FBXW7: variants seen among roughly 807,000 people sequenced by gnomAD.
FBXW7 encodes F-box and WD repeat domain containing 7.
In FBXW7, 11 loss-of-function variants were observed where a neutral mutation model predicts 86.3. The observed-to-expected ratio is 0.13, with a 90% confidence interval of 0.08 to 0.21. The LOEUF (loss-of-function observed/expected upper bound fraction) is 0.21, where lower values mean the gene tolerates loss of function less well. FBXW7 is among the 10% of genes least tolerant of loss of function. The probability of loss-of-function intolerance (pLI) is 1.00; values close to 1 mark genes in which losing one functional copy is unlikely to be tolerated. For synonymous variants in FBXW7, 313 were observed against 297.9 expected, an observed-to-expected ratio of 1.05 and a Z score of -0.52; for missense variants, 488 against 847.4, an observed-to-expected ratio of 0.58 and a Z score of 5.27.
intron 2 of FBXW7, among the ~76,000 whole-genome samples, chr4:152,516,550 C>T (rs946292979): frequency 2.0e-5 from 3 of 152,166 alleles, no homozygotes; most frequent in African/African-American, 7.2e-5. Flanking sequence ...AAAACTAATA[C>T]CATACAGATG....
At chr4:152,345,385 C>A (rs930702222) in intron 6 of FBXW7, among the ~76,000 whole-genome samples, 2 of 152,024 alleles carry the variant, frequency 1.3e-5, no homozygotes, top group African/African-American at 2.4e-5. Context: ...AAAAAAAATT[C>A]TTTGTAATTA....
At position 152,536,013 on chromosome 4, in the gene FBXW7, GGCA is replaced by G; in HGVS notation, c.-1102_-1100del. The G allele has an allele frequency of 1.4e-5, 3 of 221,022 alleles. No individual in the cohort carries two copies. Among genetic ancestry groups the G allele is most frequent in the Non-Finnish European group, 8.8e-6 (1 of 113,226 alleles). The allele number at this position is 221,022 out of a possible 1,614,324, so 13.7% of individuals were successfully genotyped here. A position where few individuals can be genotyped will look rare whatever the true frequency, so the allele number is the denominator to read the frequency against. On this transcript the variant is annotated 5_prime_UTR_variant, in exon 1 of 14. Coordinates refer to ENST00000281708, the MANE Select transcript of FBXW7 (RefSeq NM_001349798.2). ...TCTCAGTCTCAGCGGCGGCGGCGGC[GGCA>G]GCGGCAGCGGCAGCGCCCGGAGCTC... is the stretch of plus-strand genomic sequence containing the variant.
At chr4:152,353,161 G>A (rs1235780351) in intron 4 of FBXW7, among the ~76,000 whole-genome samples, 1 of 152,036 alleles carries the variant, frequency 6.6e-6, no homozygotes, top group East Asian at 1.9e-4. Flanking sequence ...TTTTCATACG[G>A]TCCCCCTGAA....
At chr4:152,474,210 C>T (rs1744198937) in intron 2 of FBXW7, among the ~76,000 whole-genome samples, 1 of 152,178 alleles carries the variant, frequency 6.6e-6, no homozygotes, top group Admixed American at 6.5e-5. Flanking sequence ...ACAAGCAAAA[C>T]AATCTTCCCT....
intron 2 of FBXW7, among the ~76,000 whole-genome samples, chr4:152,475,856 G>C (rs1458364847): frequency 6.6e-6 from 1 of 152,034 alleles, no homozygotes; most frequent in African/African-American, 2.4e-5. Flanking sequence ...CTAAAAAATG[G>C]AAAAATAACT....
At chr4:152,430,943 C>A (rs569982798) in intron 2 of FBXW7, among the ~76,000 whole-genome samples, 1 of 152,208 alleles carries the variant, frequency 6.6e-6, no homozygotes, top group Admixed American at 6.5e-5. Context: ...TTCTCTTTTC[C>A]AATTCAAATA....
intron 2 of FBXW7, among the ~76,000 whole-genome samples, chr4:152,500,363 T>C (rs955116705): frequency 6.6e-6 from 1 of 152,092 alleles, no homozygotes; most frequent in Non-Finnish European, 1.5e-5. Context: ...ACGAGAACAA[T>C]GAATTCAGAA....
At chr4:152,450,938 CCTTGGAT>C (rs1364405436) in intron 2 of FBXW7, among the ~76,000 whole-genome samples, 11 of 152,074 alleles carry the variant, frequency 7.2e-5, no homozygotes, top group Admixed American at 7.2e-4. Flanking sequence ...CACCAATATC[CCTTGGAT>C]CTTATATTAA....
intron 4 of FBXW7, among the ~76,000 whole-genome samples, chr4:152,395,040 G>A (rs1386075196): frequency 2.0e-5 from 3 of 152,042 alleles, no homozygotes; most frequent in Non-Finnish European, 2.9e-5. Context: ...AAAGATGCAT[G>A]GGTGTGCATA....
intron 2 of FBXW7, among the ~76,000 whole-genome samples, chr4:152,439,796 G>A (rs896443618): frequency 1.3e-5 from 2 of 151,278 alleles, no homozygotes; most frequent in Non-Finnish European, 2.9e-5. Flanking sequence ...AACCCAGGAG[G>A]TGGAGCTTGC....
intron 4 of FBXW7, among the ~76,000 whole-genome samples, chr4:152,375,707 G>C (rs1233968324): frequency 6.6e-6 from 1 of 152,022 alleles, no homozygotes; most frequent in Non-Finnish European, 1.5e-5. Context: ...AGTCCACAAA[G>C]CTTTGCCATA....
intron 2 of FBXW7, among the ~76,000 whole-genome samples, chr4:152,505,721 G>C (rs1390935024): frequency 1.3e-5 from 2 of 151,380 alleles, no homozygotes; most frequent in Non-Finnish European, 2.9e-5. Context: ...CTCCTGAAGG[G>C]CCTTCTTGAG....
intron 2 of FBXW7, among the ~76,000 whole-genome samples, chr4:152,419,536 C>CACACACAT (rs1209426451): frequency 6.6e-6 from 1 of 150,828 alleles, no homozygotes; most frequent in African/African-American, 2.4e-5. Flanking sequence ...CACACACACA[C>CACACACAT]AGAGTGGCAA....
intron 2 of FBXW7, among the ~76,000 whole-genome samples, chr4:152,532,732 C>CT (rs1750127678): frequency 1.3e-5 from 2 of 152,162 alleles, no homozygotes; most frequent in Non-Finnish European, 2.9e-5. Flanking sequence ...CAATATCTAA[C>CT]ATCCAGTGCG....
intron 4 of FBXW7, among the ~76,000 whole-genome samples, chr4:152,385,045 G>A (rs1162998537): frequency 6.6e-6 from 1 of 151,900 alleles, no homozygotes; most frequent in Non-Finnish European, 1.5e-5. Flanking sequence ...TGCTAAAGTA[G>A]GTCCCATGGA....
At chr4:152,432,341 G>C (rs563385542) in intron 2 of FBXW7, among the ~76,000 whole-genome samples, 43 of 152,306 alleles carry the variant, frequency 2.8e-4, no homozygotes, top group African/African-American at 1.0e-3. Flanking sequence ...AAGAAGACAA[G>C]AGCATTCTTC....
intron 2 of FBXW7, among the ~76,000 whole-genome samples, chr4:152,519,690 T>C (rs144641320): frequency 2.2e-4 from 34 of 152,352 alleles, no homozygotes; most frequent in African/African-American, 5.3e-4. Flanking sequence ...TATAATGACA[T>C]AAAACTGGGA....
At position 152,330,864 on chromosome 4, in the gene FBXW7, A is replaced by G. The variant is rs762968744; in HGVS notation, c.990T>C (p.Ile330=). The part of the protein sequence containing the change: ...LWREKCKEEG[I]DEPLHIKRRK... ...TTCTCTTGATGTGCAATGGTTCATC[A>G]ATCCCTAAAGTGTTACAGTTCAAGA... Residue 330 remains isoleucine, a synonymous_variant, in exon 9 of 14, where the codon ATT becomes ATC. Coordinates refer to ENST00000281708, the MANE Select transcript of FBXW7 (RefSeq NM_001349798.2). The G allele has an allele frequency of 3.0e-5, 49 of 1,611,242 alleles. 1 individual carries two copies. The Admixed American group carries it at 8.0e-4, about 26-fold the overall frequency.
At chr4:152,489,303 C>T (rs772841988) in intron 2 of FBXW7, 1 of 154,520 alleles carries the variant, frequency 6.5e-6, no homozygotes, top group Non-Finnish European at 1.5e-5. Context: ...GTGTATGGTG[C>T]TCAGTTCTGT....
Sources: allele counts gnomAD v4.1 joint callset (sites outside exome capture counted in the v4.1 genomes callset), GRCh38; gene constraint gnomAD v4.1.1; transcripts MANE v1.5; gene names NCBI Gene and HGNC (gene_info 2026-07-23, HGNC 2026-07-21).